Variants in R3HDM2 observed in about 807,000 individuals in gnomAD.
The protein encoded by R3HDM2 is R3H domain containing 2, also known as R3H domain-containing protein 2.
In R3HDM2, 38 loss-of-function variants were observed where a neutral mutation model predicts 124.5. The ratio of observed to expected loss-of-function variants is 0.31; its 90% CI spans 0.24 to 0.40. The LOEUF (loss-of-function observed/expected upper bound fraction) is 0.40. Among genes scored for constraint, R3HDM2 ranks in the 10% least tolerant of loss-of-function variants. The pLI is 1.00. For synonymous variants in R3HDM2, 391 were observed against 448.0 expected, an observed-to-expected ratio of 0.87 and a Z score of 1.61; for missense variants, 869 against 1,236.9, an observed-to-expected ratio of 0.70 and a Z score of 4.46.
intron 5 of R3HDM2, 41 bp from the exon 6 acceptor site, chr12:57,299,519 T>C (rs2050650388): frequency 6.6e-7 from 1 of 1,521,836 alleles, no homozygotes; most frequent in African/African-American, 1.4e-5. Context: ...AAAAAGATTT[T>C]AACTTTCTTG....
At chr12:57,367,821 C>A (rs1412607560) in intron 2 of R3HDM2, among the ~76,000 whole-genome samples, 1 of 152,166 alleles carries the variant, frequency 6.6e-6, no homozygotes, top group Non-Finnish European at 1.5e-5. Context: ...TTCTTTCAAT[C>A]ATTATTTTTT....
intron 1 of R3HDM2, among the ~76,000 whole-genome samples, chr12:57,401,664 G>C (rs116963091): frequency 7.9e-5 from 12 of 152,308 alleles, no homozygotes; most frequent in Admixed American, 4.6e-4. Context: ...TAATCACTAT[G>C]ATGAGCTTGA....
chr12:57,290,093 A>G (rs995539555), intron 11 of R3HDM2, among the ~76,000 whole-genome samples: 1 of 151,824 alleles, frequency 6.6e-6, no homozygotes, highest in African/African-American at 2.4e-5. Flanking sequence ...AAATCAGGAG[A>G]AAAAAAAAGA....
At position 57,269,354 on chromosome 12, in the gene R3HDM2, A is replaced by G. The variant is rs754336557; in HGVS notation, c.1683T>C (p.Gly561=). Reference sequence around the variant, plus strand: ...GCTGGGATGGCTGAGGCAGCTGCTGACCACGTTGGGGGCTATAGGCCACCG... The same window carrying G: ...GCTGGGATGGCTGAGGCAGCTGCTGGCCACGTTGGGGGCTATAGGCCACCG... ...SHPVAYSPQR[G]QQLPQPSQQP... is the part of the protein sequence containing the mutation. Residue 561 remains glycine, a synonymous_variant, in exon 16 of 24, where the codon GGT becomes GGC. Transcript: ENST00000402412. The G allele has an allele frequency of 6.2e-7, 1 of 1,614,098 alleles. No homozygotes were observed.
intron 2 of R3HDM2, among the ~76,000 whole-genome samples, chr12:57,393,722 T>C (rs936970450): frequency 1.5e-5 from 2 of 137,344 alleles, no homozygotes; most frequent in African/African-American, 5.5e-5. Flanking sequence ...GGAAGCTCAA[T>C]AAATTCCAAC....
At chr12:57,279,955 G>A (rs1450639987) in intron 14 of R3HDM2, among the ~76,000 whole-genome samples, 1 of 152,122 alleles carries the variant, frequency 6.6e-6, no homozygotes, top group Admixed American at 6.5e-5. Flanking sequence ...AGGTGTTTAT[G>A]GGTCCACATA....
At chr12:57,291,461 C>T (rs1210813615) in intron 11 of R3HDM2, among the ~76,000 whole-genome samples, 2 of 151,690 alleles carry the variant, frequency 1.3e-5, no homozygotes, top group Non-Finnish European at 1.5e-5. Flanking sequence ...TGAGACCAGT[C>T]TGGGCAACAT....
At chr12:57,259,267 G>A (rs1392644404) in intron 19 of R3HDM2, among the ~76,000 whole-genome samples, 3 of 152,190 alleles carry the variant, frequency 2.0e-5, no homozygotes, top group African/African-American at 7.2e-5. Context: ...AGGGATATGA[G>A]CCCCAGATGC....
At chr12:57,429,024 G>A (rs575719580) in intron 1 of R3HDM2, among the ~76,000 whole-genome samples, 3 of 152,038 alleles carry the variant, frequency 2.0e-5, no homozygotes. Flanking sequence ...TGCGATTACA[G>A]CATGAGCCAC....
At chr12:57,391,609 T>A (rs1302162105) in intron 2 of R3HDM2, among the ~76,000 whole-genome samples, 2 of 152,198 alleles carry the variant, frequency 1.3e-5, no homozygotes, top group Admixed American at 1.3e-4. Context: ...CAAAGCTGAA[T>A]AAACTCTGTA....
chr12:57,287,717 A>T (rs980663700), intron 12 of R3HDM2, among the ~76,000 whole-genome samples: 5 of 152,276 alleles, frequency 3.3e-5, no homozygotes, highest in Admixed American at 1.3e-4. Context: ...AGTGTTAAAT[A>T]CTCAGGTTCT....
intron 12 of R3HDM2, 32 bp downstream of exon 12, chr12:57,288,977 G>A: frequency 2.6e-6 from 4 of 1,547,926 alleles, no homozygotes; most frequent in Non-Finnish European, 3.5e-6. Flanking sequence ...AAAGCTCAAT[G>A]AGAAGCAGGG....
intron 2 of R3HDM2, among the ~76,000 whole-genome samples, chr12:57,393,198 G>C (rs988579795): frequency 6.6e-6 from 1 of 151,908 alleles, no homozygotes; most frequent in African/African-American, 2.4e-5. Context: ...CCACCTCCCA[G>C]TTTCAAGCAA....
intron 2 of R3HDM2, among the ~76,000 whole-genome samples, chr12:57,394,266 C>T (rs1427034975): frequency 6.6e-6 from 1 of 151,180 alleles, no homozygotes; most frequent in Non-Finnish European, 1.5e-5. Flanking sequence ...CACTGCACTC[C>T]AGCCTGGGTG....
chr12:57,404,742 A>T (rs2139113607), intron 1 of R3HDM2, among the ~76,000 whole-genome samples: 1 of 152,176 alleles, frequency 6.6e-6, no homozygotes, highest in Non-Finnish European at 1.5e-5. Flanking sequence ...TATCTAGGTC[A>T]GCCATGTTGG....
intron 1 of R3HDM2, among the ~76,000 whole-genome samples, chr12:57,414,678 A>T (rs1251179734): frequency 6.6e-6 from 1 of 151,718 alleles, no homozygotes; most frequent in Non-Finnish European, 1.5e-5. Flanking sequence ...TCTACTAAAA[A>T]TACAAAAATT....
chr12:57,376,915 C>A (rs1480706577), intron 2 of R3HDM2, among the ~76,000 whole-genome samples: 1 of 151,402 alleles, frequency 6.6e-6, no homozygotes, highest in Non-Finnish European at 1.5e-5. Context: ...GACACCACTG[C>A]ACTCTAGCCT....
chr12:57,399,841 A>T (rs917714364), intron 1 of R3HDM2, among the ~76,000 whole-genome samples: 2 of 152,184 alleles, frequency 1.3e-5, no homozygotes, highest in Non-Finnish European at 2.9e-5. Flanking sequence ...CTTCTCTAAA[A>T]TAGGAGCTAT....
intron 2 of R3HDM2, among the ~76,000 whole-genome samples, chr12:57,376,418 A>G (rs2064080325): frequency 6.6e-6 from 1 of 152,226 alleles, no homozygotes; most frequent in Admixed American, 6.5e-5. Context: ...GTACAGATGG[A>G]GACTAGGCTT....
Sources: gnomAD v4.1 joint callset for allele counts (sites outside exome capture counted in the v4.1 genomes callset) on GRCh38, gnomAD v4.1.1 for gene constraint, MANE v1.5 for transcripts, NCBI Gene and HGNC (gene_info 2026-07-23, HGNC 2026-07-21) for gene names.